Variants in ZNF578 observed in about 807,000 individuals in gnomAD.
ZNF578 encodes the protein zinc finger protein 578.
In ZNF578, 8 loss-of-function variants were observed where a neutral mutation model predicts 8.3. That is an observed-to-expected ratio of 0.96 (90% CI 0.56 to 1.74). The LOEUF is 1.74. Among genes scored for constraint, ZNF578 ranks in the 40% most tolerant of loss-of-function variants. The probability of loss-of-function intolerance (pLI) is 0.00; values close to 1 mark genes in which losing one functional copy is unlikely to be tolerated. For missense variants in ZNF578, 726 were observed against 707.5 expected, an observed-to-expected ratio of 1.03 and a Z score of -0.30; for synonymous variants, 206 against 232.2, an observed-to-expected ratio of 0.89 and a Z score of 1.03.
At chr19:52,500,073 T>G (rs2059401182) in intron 3 of ZNF578, among the ~76,000 whole-genome samples, 1 of 152,180 alleles carries the variant, frequency 6.6e-6, no homozygotes, top group African/African-American at 2.4e-5. Context: ...ACAAGCAGCC[T>G]TTCTTTCCTA....
At chr19:52,500,596 C>G (rs1471821916) in intron 3 of ZNF578, among the ~76,000 whole-genome samples, 1 of 151,896 alleles carries the variant, frequency 6.6e-6, no homozygotes, top group African/African-American at 2.4e-5. Flanking sequence ...TTGGCTGGGA[C>G]GGTGTCGACC....
At chr19:52,458,010 C>A in intron 2 of ZNF578, 1 of 154,344 alleles carries the variant, frequency 6.5e-6, no homozygotes, top group South Asian at 1.8e-4. Flanking sequence ...CCCATGGTGT[C>A]ACTGCTCTTG....
intron 4 of ZNF578, among the ~76,000 whole-genome samples, chr19:52,503,766 A>G (rs1218698474): frequency 6.7e-6 from 1 of 149,220 alleles, no homozygotes; most frequent in Non-Finnish European, 1.5e-5. Flanking sequence ...TGAACATAAT[A>G]TCTGACATGT....
intron 2 of ZNF578, among the ~76,000 whole-genome samples, chr19:52,468,107 T>C (rs1181963767): frequency 6.6e-6 from 1 of 152,014 alleles, no homozygotes; most frequent in East Asian, 1.9e-4. Context: ...GACTGCAACA[T>C]ATGGAAAAGG....
chr19:52,487,992 T>G (rs2059351649), intron 2 of ZNF578, among the ~76,000 whole-genome samples: 1 of 150,322 alleles, frequency 6.7e-6, no homozygotes, highest in Non-Finnish European at 1.5e-5. Flanking sequence ...TTTACTCTTG[T>G]TGCCCAGGCT....
At chr19:52,460,853 AG>A (rs2059255690) in intron 2 of ZNF578, among the ~76,000 whole-genome samples, 1 of 152,108 alleles carries the variant, frequency 6.6e-6, no homozygotes, top group Non-Finnish European at 1.5e-5. Context: ...TATTAATAGT[AG>A]TGATATAGTT....
rs1183065302 is a variant in ZNF578 at position 52,459,650 on chromosome 19, CAT to C, written c.-122+2700_-122+2701del. 7.5e-3 allele frequency among the ~76,000 whole-genome samples: 638 copies of C among 84,760 alleles called. 10 individuals are homozygous for C. Among genetic ancestry groups the C allele is most frequent in the African/African-American group, 0.022 (605 of 27,312 alleles). The allele number at this position is 84,760 out of a possible 152,430, so 55.6% of individuals were successfully genotyped here. ...ACACACACACACACACACACACACA[CAT>C]ATATATACTACCATATGATCCAGCA... On this transcript the variant is annotated intron_variant, in intron 2 of 5. Coordinates refer to ENST00000421239, the MANE Select transcript of ZNF578 (RefSeq NM_001099694.2).
chr19:52,467,917 ATATAG>A (rs2059280518), intron 2 of ZNF578, among the ~76,000 whole-genome samples: 1 of 152,216 alleles, frequency 6.6e-6, no homozygotes, highest in African/African-American at 2.4e-5. Flanking sequence ...AAGTCTTCTA[ATATAG>A]TATAAGTATT....
chr19:52,486,885 AG>A (rs2059347630), intron 2 of ZNF578, among the ~76,000 whole-genome samples: 1 of 152,000 alleles, frequency 6.6e-6, no homozygotes, highest in South Asian at 2.1e-4. Context: ...GTGGAAGAGA[AG>A]GAATAGAGAG....
chr19:52,481,264 T>TCTTC (rs1252531693), intron 2 of ZNF578, among the ~76,000 whole-genome samples: 5 of 152,234 alleles, frequency 3.3e-5, no homozygotes, highest in South Asian at 2.1e-4. Context: ...CAGCAGACCT[T>TCTTC]CTTCCTTCAT....
At position 52,510,784 on chromosome 19, in the gene ZNF578, T is replaced by C. The variant is rs769201073; in HGVS notation, c.403T>C (p.Leu135=). ...AGCATCCATGCCAAAAATCAAAGAG[T>C]TGATGGGTAGCACAGACCGACATGA... ...HEASMPKIKE[L]MGSTDRHDQR... The change falls in exon 6 of 6, where the codon TTG becomes CTG. Residue 135 remains leucine, a synonymous_variant. Coordinates refer to ENST00000421239, the MANE Select transcript of ZNF578 (RefSeq NM_001099694.2). The C allele has an allele frequency of 2.5e-6, 4 of 1,613,014 alleles. No individual in the cohort carries two copies.
At chr19:52,460,630 A>ATC (rs2059254951) in intron 2 of ZNF578, among the ~76,000 whole-genome samples, 1 of 152,204 alleles carries the variant, frequency 6.6e-6, no homozygotes, top group Non-Finnish European at 1.5e-5. Context: ...TTTGAAGTGC[A>ATC]AAAACTTTAA....
chr19:52,501,042 C>T (rs1461852326), intron 3 of ZNF578, among the ~76,000 whole-genome samples: 7 of 152,074 alleles, frequency 4.6e-5, no homozygotes, highest in African/African-American at 1.7e-4. Context: ...CCATGCCCAG[C>T]TAATTTTTGT....
intron 2 of ZNF578, chr19:52,473,815 GT>G: frequency 3.2e-6 from 1 of 314,152 alleles, no homozygotes. Context: ...TATTGCATTT[GT>G]AAAGTTTCTC....
In ZNF578 at chr19:52,514,500, A is replaced by G. The variant is rs528620385; in HGVS notation, c.*2346A>G. The stretch of plus-strand genomic sequence containing the variant: ...TAAATAAACATCAAAATGTAGTTTA[A>G]GCAGTTAGTCTGTTTTTCAGTTTTC... On this transcript the variant is annotated 3_prime_UTR_variant, in exon 6 of 6. Transcript: ENST00000421239. Among the ~76,000 whole-genome samples the G allele has an allele frequency of 6.6e-6, 1 of 152,308 alleles. No homozygotes were observed. The highest frequency in any genetic ancestry group is 1.9e-4 in the East Asian group (1 of 5,184).
At chr19:52,489,938 G>C (rs1385669898) in intron 2 of ZNF578, among the ~76,000 whole-genome samples, 1 of 152,168 alleles carries the variant, frequency 6.6e-6, no homozygotes, top group Non-Finnish European at 1.5e-5. Context: ...TTACAGGCGT[G>C]AGCCACCACG....
intron 2 of ZNF578, among the ~76,000 whole-genome samples, chr19:52,481,729 C>A (rs10418555): frequency 0.34 from 51,180 of 151,754 alleles, 9,208 homozygotes; most frequent in East Asian, 0.59. Context: ...TTACATAATA[C>A]TTTAAATTAA....
At chr19:52,488,420 A>G (rs2059353168) in intron 2 of ZNF578, among the ~76,000 whole-genome samples, 2 of 151,926 alleles carry the variant, frequency 1.3e-5, no homozygotes, top group Admixed American at 1.3e-4. Context: ...CATCCTGGCT[A>G]ACACGGTGAA....
chr19:52,489,993 A>G (rs1442137544), intron 2 of ZNF578, among the ~76,000 whole-genome samples: 1 of 152,218 alleles, frequency 6.6e-6, no homozygotes, highest in Non-Finnish European at 1.5e-5. Context: ...CCATCTGCAG[A>G]AACATCCTAT....
Sources: gnomAD v4.1 joint callset for allele counts (sites outside exome capture counted in the v4.1 genomes callset) on GRCh38, gnomAD v4.1.1 for gene constraint, MANE v1.5 for transcripts, NCBI Gene and HGNC (gene_info 2026-07-23, HGNC 2026-07-21) for gene names.